The following KIAA1217 variants were observed in gnomAD, a reference collection of about 807,000 sequenced individuals.
KIAA1217 encodes the protein sickle tail protein homolog.
KIAA1217 carries 88 observed loss-of-function variants against 163.9 expected under a neutral mutation model. The observed-to-expected ratio is 0.54, with a 90% CI of 0.45 to 0.64. The LOEUF is 0.64. KIAA1217 is among the 30% of genes least tolerant of loss of function. The pLI is 0.00. For missense variants in KIAA1217, 2,372 were observed against 2,475.0 expected, an observed-to-expected ratio of 0.96 and a Z score of 0.88; for synonymous variants, 903 against 923.1, an observed-to-expected ratio of 0.98 and a Z score of 0.39.
At chr10:24,349,188 G>A (rs922718552) in intron 2 of KIAA1217, among the ~76,000 whole-genome samples, 1 of 150,356 alleles carries the variant, frequency 6.7e-6, no homozygotes, top group African/African-American at 2.4e-5. Context: ...TATTTTTGTA[G>A]CAGGTTACAC....
intron 1 of KIAA1217, among the ~76,000 whole-genome samples, chr10:23,738,130 T>C (rs1299569698): frequency 6.6e-6 from 1 of 152,146 alleles, no homozygotes; most frequent in Non-Finnish European, 1.5e-5. Context: ...AAAAGAAAAG[T>C]ATAGTTGATT....
rs151270153 is a variant in KIAA1217 at position 24,232,318 on chromosome 10, C to T, written c.354+12409C>T. On this transcript the variant is annotated intron_variant, in intron 2 of 20. Coordinates refer to ENST00000376454, the MANE Select transcript of KIAA1217 (RefSeq NM_019590.5). ...TAAATGGGGATCATTCATAACACAT[C>T]GCTTTTGATCCATGTTTAATTGGGT... 6.6e-5 allele frequency among the ~76,000 whole-genome samples: 10 copies of T among 152,294 alleles called. 1 individual carries two copies. The highest frequency in any genetic ancestry group is 2.2e-4 in the African/African-American group (9 of 41,564).
intron 1 of KIAA1217, among the ~76,000 whole-genome samples, chr10:23,810,909 A>G (rs1836995952): frequency 8.4e-6 from 1 of 119,586 alleles, no homozygotes; most frequent in Non-Finnish European, 1.6e-5. Flanking sequence ...TATATACTCT[A>G]TATAGTATAA....
At chr10:24,348,654 A>G (rs1268216034) in intron 2 of KIAA1217, among the ~76,000 whole-genome samples, 2 of 152,222 alleles carry the variant, frequency 1.3e-5, no homozygotes, top group Non-Finnish European at 2.9e-5. Flanking sequence ...ATGTATACAT[A>G]TCAGGCAAGC....
intron 3 of KIAA1217, among the ~76,000 whole-genome samples, chr10:24,431,020 T>C (rs1591865454): frequency 2.6e-5 from 4 of 152,360 alleles, no homozygotes; most frequent in East Asian, 1.9e-4. Context: ...CCTCATTTCC[T>C]GAGTTTCCCT....
chr10:23,742,327 A>C (rs1410600510), intron 1 of KIAA1217, among the ~76,000 whole-genome samples: 2 of 152,192 alleles, frequency 1.3e-5, no homozygotes, highest in Non-Finnish European at 2.9e-5. Flanking sequence ...TGGAAATCAT[A>C]GGCATGATTG....
chr10:23,996,274 G>A (rs74124849), intron 1 of KIAA1217, among the ~76,000 whole-genome samples: 37 of 152,298 alleles, frequency 2.4e-4, no homozygotes, highest in African/African-American at 8.9e-4. Context: ...TGAAAATCAA[G>A]TTATTGTAGT....
intron 1 of KIAA1217, among the ~76,000 whole-genome samples, chr10:23,719,688 G>T (rs1837760974): frequency 6.6e-6 from 1 of 152,120 alleles, no homozygotes. Flanking sequence ...GGAGGCCAAG[G>T]CAGGCGGATC....
chr10:24,279,451 A>G (rs2077671638), intron 2 of KIAA1217, among the ~76,000 whole-genome samples: 3 of 152,120 alleles, frequency 2.0e-5, no homozygotes, highest in Admixed American at 1.3e-4. Flanking sequence ...AGATATTATC[A>G]TGTAACTGGG....
chr10:23,837,093 T>C (rs1019456764), intron 1 of KIAA1217, among the ~76,000 whole-genome samples: 3 of 152,230 alleles, frequency 2.0e-5, no homozygotes, highest in Non-Finnish European at 4.4e-5. Context: ...CTCCTCCTTA[T>C]AAGCGAGAAC....
chr10:24,021,485 C>G (rs1847729576), intron 2 of KIAA1217, among the ~76,000 whole-genome samples: 1 of 151,906 alleles, frequency 6.6e-6, no homozygotes, highest in Non-Finnish European at 1.5e-5. Context: ...TATTCATGGA[C>G]AGGAAGACTC....
intron 2 of KIAA1217, among the ~76,000 whole-genome samples, chr10:24,323,918 T>G (rs979080387): frequency 6.6e-6 from 1 of 151,912 alleles, no homozygotes; most frequent in Non-Finnish European, 1.5e-5. Flanking sequence ...ATAGTATGTT[T>G]CTAAAAATCA....
At chr10:24,487,326 A>C (rs1244909159) in intron 6 of KIAA1217, among the ~76,000 whole-genome samples, 1 of 152,218 alleles carries the variant, frequency 6.6e-6, no homozygotes, top group Non-Finnish European at 1.5e-5. Context: ...AAGTCATCCG[A>C]AGCCTAGGAT....
intron 3 of KIAA1217, among the ~76,000 whole-genome samples, chr10:24,391,052 T>A (rs1188721277): frequency 2.0e-5 from 3 of 152,208 alleles, no homozygotes; most frequent in Non-Finnish European, 4.4e-5. Flanking sequence ...AGAAGAGATT[T>A]CTCAAACTTT....
At chr10:24,400,223 C>T (rs2131030101) in intron 3 of KIAA1217, among the ~76,000 whole-genome samples, 1 of 152,328 alleles carries the variant, frequency 6.6e-6, no homozygotes, top group African/African-American at 2.4e-5. Context: ...TAGACAGGAA[C>T]CGTGCACAGG....
At chr10:24,375,527 A>G (rs2052361213) in intron 2 of KIAA1217, among the ~76,000 whole-genome samples, 1 of 152,238 alleles carries the variant, frequency 6.6e-6, no homozygotes, top group Non-Finnish European at 1.5e-5. Context: ...TAATAAAAGT[A>G]CCTAGCAACT....
chr10:23,902,155 G>T (rs1014576795), intron 1 of KIAA1217, among the ~76,000 whole-genome samples: 4 of 152,020 alleles, frequency 2.6e-5, no homozygotes, highest in African/African-American at 7.2e-5. Context: ...ATCATTAAAA[G>T]AGTTGTATTT....
intron 2 of KIAA1217, among the ~76,000 whole-genome samples, chr10:24,276,513 A>G (rs1355672079): frequency 6.6e-6 from 1 of 151,946 alleles, no homozygotes; most frequent in African/African-American, 2.4e-5. Context: ...TGGCACAATC[A>G]TAGCCCCTGT....
chr10:23,972,813 T>A (rs1845373027), intron 1 of KIAA1217, among the ~76,000 whole-genome samples: 1 of 152,166 alleles, frequency 6.6e-6, no homozygotes, highest in Non-Finnish European at 1.5e-5. Context: ...TGCAGGGACA[T>A]GGATGAAGCT....
Sources: allele counts gnomAD v4.1 joint callset (sites outside exome capture counted in the v4.1 genomes callset), GRCh38; gene constraint gnomAD v4.1.1; transcripts MANE v1.5; gene names NCBI Gene and HGNC (gene_info 2026-07-23, HGNC 2026-07-21).